The following LIMK2 variants were observed in gnomAD, a reference collection of about 807,000 sequenced individuals.
LIMK2 encodes the protein LIM domain kinase 2.
In LIMK2, 35 loss-of-function variants were observed where a neutral mutation model predicts 75.7. The observed-to-expected ratio is 0.46, with a 90% CI of 0.35 to 0.61. The LOEUF is 0.61. Among genes scored for constraint, LIMK2 ranks in the 20% least tolerant of loss-of-function variants. The pLI is 0.00. For synonymous variants in LIMK2, 301 were observed against 319.2 expected (o/e 0.94, Z 0.61); for missense variants, 623 against 831.0 (o/e 0.75, Z 3.08).
chr22:31,276,567 C>T lies in LIMK2; in HGVS notation c.1772+1259C>T, dbSNP rs867476498. On this transcript the variant is annotated intron_variant, in intron 15 of 15. Transcript: ENST00000331728. ...GGGCTCCGCATGCTGCAGCTGCCCC[C>T]GGGCGCCCCCGCCGCCGCCCTCGCC... is the stretch of plus-strand genomic sequence containing the variant. 1.9e-4 allele frequency among the ~76,000 whole-genome samples: 27 copies of T among 145,608 alleles called. No homozygotes were observed. The Middle Eastern group carries it at 0.022, about 118-fold the overall frequency.
In LIMK2 at chr22:31,260,030, C is replaced by G; in HGVS notation, c.504C>G (p.Ser168=). ...TTEGRRGFSV[S]VESACSNYAT... is the part of the protein sequence containing the mutation. ...AAGGCAGGCGGGGCTTCTCCGTGTC[C>G]GTGGAGAGTGCCTGCTCCAACTACG... Residue 168 remains serine (S), a synonymous_variant, in exon 5 of 16, where the codon TCC becomes TCG. Coordinates refer to ENST00000331728, the MANE Select transcript of LIMK2 (RefSeq NM_005569.4). 2 of 1,606,324 alleles carry G rather than the reference C, an allele frequency of 1.2e-6. No individual in the cohort carries two copies. Among genetic ancestry groups the G allele is most frequent in the East Asian group, 2.3e-5 (1 of 44,376 alleles).
At chr22:31,246,772 CAAAAAA>C (rs74782124) in intron 2 of LIMK2, among the ~76,000 whole-genome samples, 2,495 of 120,288 alleles carry the variant, frequency 0.021, 69 homozygotes, top group African/African-American at 0.071. Flanking sequence ...AAAAAAAAAA[CAAAAAA>C]AAAAAACACC....
At chr22:31,276,858 G>C in intron 15 of LIMK2, 2 of 1,612,272 alleles carry the variant, frequency 1.2e-6, no homozygotes, top group Non-Finnish European at 8.5e-7. Context: ...GGCGCCAAGG[G>C]AAGGTCACCA....
chr22:31,254,973 A>AAAAAG (rs1403151123), intron 2 of LIMK2, among the ~76,000 whole-genome samples: 1 of 152,158 alleles, frequency 6.6e-6, no homozygotes, highest in East Asian at 1.9e-4. Context: ...AAAAAAAAGA[A>AAAAAG]AAAAGAAAAA....
intron 15 of LIMK2, among the ~76,000 whole-genome samples, chr22:31,275,961 C>T (rs2049009763): frequency 6.6e-6 from 1 of 152,134 alleles, no homozygotes; most frequent in Non-Finnish European, 1.5e-5. Flanking sequence ...TCTGGCTGGG[C>T]GCGATGGCTC....
intron 1 of LIMK2, among the ~76,000 whole-genome samples, chr22:31,221,465 C>T (rs576128992): frequency 6.6e-6 from 1 of 152,070 alleles, no homozygotes; most frequent in African/African-American, 2.4e-5. Flanking sequence ...CCACTTGCCC[C>T]AATTATAAAT....
rs1386263600 is a variant in LIMK2 at position 31,278,282 on chromosome 22, C to T, written c.1773-15C>T. The T allele has an allele frequency of 6.2e-7, 1 of 1,605,552 alleles. No homozygotes were observed. ...CATGTTCCACCTGCCTCTAATTTACCTCTTTTCCTTCTAGACCAGCATTCT... is the reference window on the plus strand; with the variant it reads ...CATGTTCCACCTGCCTCTAATTTACTTCTTTTCCTTCTAGACCAGCATTCT... On this transcript the variant is annotated splice_polypyrimidine_tract_variant and intron_variant, in intron 15 of 15. Coordinates refer to ENST00000331728, the MANE Select transcript of LIMK2 (RefSeq NM_005569.4).
rs748900613 is a variant in LIMK2, at chr22:31,279,186, AC to A, written c.*746del. ...ACAACATCCTTTCTGTCTGAAACAA[AC>A]AGTCACAAGCAAAGGAAGAGGCTGG... On this transcript the variant is annotated 3_prime_UTR_variant, in exon 16 of 16. Transcript: ENST00000331728. 4 of 152,226 alleles carry A rather than the reference AC, an allele frequency of 2.6e-5. No individual in the cohort carries two copies. The highest frequency in any genetic ancestry group is 4.4e-5 in the Non-Finnish European group (3 of 68,054). The allele number at this position is 152,226 out of a possible 1,614,324, so 9.4% of individuals were successfully genotyped here.
At chr22:31,217,563 A>G (rs968117746) in intron 1 of LIMK2, among the ~76,000 whole-genome samples, 1 of 152,194 alleles carries the variant, frequency 6.6e-6, no homozygotes, top group Non-Finnish European at 1.5e-5. Context: ...GTTAGCTCAT[A>G]CTTGCGTAGT....
rs146767640 is a variant in LIMK2, at chr22:31,254,336, C to T, written c.117-3955C>T. 8.5e-4 allele frequency among the ~76,000 whole-genome samples: 130 copies of T among 152,380 alleles called. 4 individuals carry two copies. In the East Asian group the frequency reaches 0.023, roughly 27 times the overall value. ...GGCCTGCATTTGGGTGCAAATAAGT[C>T]TGCACACAGAAGAAAAGAAGGACCT... On this transcript the variant is annotated intron_variant, in intron 2 of 15. Transcript: ENST00000331728.
intron 2 of LIMK2, among the ~76,000 whole-genome samples, chr22:31,245,928 T>C (rs988529778): frequency 2.0e-5 from 3 of 151,442 alleles, no homozygotes; most frequent in Non-Finnish European, 2.9e-5. Context: ...ATCTCAGCAC[T>C]TTGGGAGGCC....
chr22:31,249,374 T>C (rs764152465), intron 2 of LIMK2, among the ~76,000 whole-genome samples: 6 of 152,150 alleles, frequency 3.9e-5, no homozygotes, highest in Admixed American at 6.5e-5. Context: ...AGCAATGGGC[T>C]TTAGAGTGTT....
intron 1 of LIMK2, among the ~76,000 whole-genome samples, chr22:31,220,284 CAT>C (rs2048422720): frequency 6.6e-6 from 1 of 152,186 alleles, no homozygotes; most frequent in African/African-American, 2.4e-5. Flanking sequence ...GGTTTATCCA[CAT>C]GAGACTACTC....
At chr22:31,270,970 T>C (rs143845686) in intron 11 of LIMK2, among the ~76,000 whole-genome samples, 166 bp from the exon 12 acceptor site, 53 of 152,286 alleles carry the variant, frequency 3.5e-4, no homozygotes, top group African/African-American at 1.2e-3. Flanking sequence ...CCTGTTGGTA[T>C]TGGGACAAGG....
intron 4 of LIMK2, among the ~76,000 whole-genome samples, 184 bp from the exon 5 acceptor site, chr22:31,259,705 C>T (rs550740651): frequency 6.6e-6 from 1 of 152,190 alleles, no homozygotes; most frequent in Non-Finnish European, 1.5e-5. Flanking sequence ...TAGCTCAGCA[C>T]CCCCAGTCCC....
At position 31,276,797 on chromosome 22, in the gene LIMK2, C is replaced by T. The variant is rs374368003; in HGVS notation, c.1772+1489C>T. On this transcript the variant is annotated intron_variant, in intron 15 of 15. Transcript: ENST00000331728. ...CACGCATCTACTTTCAGAGCCCCCC[C>T]CGGGGCCGCAGGAGAGGGCCCGGGC... 10 of 1,609,486 alleles carry T rather than the reference C, an allele frequency of 6.2e-6. No homozygotes were observed. In the South Asian group the frequency reaches 7.7e-5, roughly 12 times the overall value.
chr22:31,271,075 CCA>C (rs564201282), intron 11 of LIMK2, 59 bp from the exon 12 acceptor site: 1 of 1,495,304 alleles, frequency 6.7e-7, no homozygotes, highest in South Asian at 1.1e-5. Flanking sequence ...GCGCCCAATT[CCA>C]GATTCAGGGT....
intron 11 of LIMK2, among the ~76,000 whole-genome samples, chr22:31,269,773 C>CA (rs545628891): frequency 0.029 from 2,818 of 96,452 alleles, 37 homozygotes; most frequent in Middle Eastern, 0.056. Flanking sequence ...GACTTCATCT[C>CA]AAAAAAAAAA....
intron 2 of LIMK2, among the ~76,000 whole-genome samples, chr22:31,252,152 C>T (rs979791122): frequency 3.3e-5 from 5 of 152,146 alleles, no homozygotes; most frequent in Non-Finnish European, 4.4e-5. Context: ...TCTATCTTAT[C>T]TCACTTGGCT....
Sources: allele counts gnomAD v4.1 joint callset (sites outside exome capture counted in the v4.1 genomes callset), GRCh38; gene constraint gnomAD v4.1.1; transcripts MANE v1.5; gene names NCBI Gene and HGNC (gene_info 2026-07-23, HGNC 2026-07-21).